TMEM132D: variants seen among roughly 807,000 people sequenced by gnomAD.
The protein encoded by TMEM132D is transmembrane protein 132D.
A neutral mutation model predicts 62.3 loss-of-function variants in TMEM132D; 21 were observed. The ratio of observed to expected loss-of-function variants is 0.34; its 90% CI spans 0.24 to 0.49. The LOEUF is 0.49. Ranked by LOEUF, TMEM132D falls within the 20% of genes least tolerant of loss-of-function variation. The pLI is 0.99. For missense variants in TMEM132D, 1,346 were observed against 1,402.8 expected (o/e 0.96, Z 0.65); for synonymous variants, 621 against 575.6 (o/e 1.08, Z -1.13).
At chr12:129,864,758 A>G (rs1407254916) in intron 1 of TMEM132D, among the ~76,000 whole-genome samples, 5 of 152,218 alleles carry the variant, frequency 3.3e-5, no homozygotes, top group Non-Finnish European at 5.9e-5. Context: ...TACCTGAAGT[A>G]AGTTTGGGTT....
intron 3 of TMEM132D, among the ~76,000 whole-genome samples, chr12:129,410,822 T>C (rs1029211771): frequency 6.6e-6 from 1 of 152,202 alleles, no homozygotes; most frequent in African/African-American, 2.4e-5. Flanking sequence ...ACTTGTCTCA[T>C]GGGGTTTGTG....
intron 3 of TMEM132D, among the ~76,000 whole-genome samples, chr12:129,410,567 C>A (rs1161712426): frequency 6.6e-6 from 1 of 151,714 alleles, no homozygotes; most frequent in African/African-American, 2.4e-5. Flanking sequence ...TCCATGTTGG[C>A]CAGGCTGCTC....
At chr12:129,589,006 G>A (rs1878117292) in intron 2 of TMEM132D, among the ~76,000 whole-genome samples, 1 of 151,988 alleles carries the variant, frequency 6.6e-6, no homozygotes, top group African/African-American at 2.4e-5. Flanking sequence ...GGTTCGAATG[G>A]CTTGGAAGCA....
intron 5 of TMEM132D, among the ~76,000 whole-genome samples, chr12:129,133,162 AT>A (rs112304417): frequency 1.3e-4 from 20 of 151,690 alleles, no homozygotes; most frequent in African/African-American, 4.6e-4. Context: ...ATCTGCATCT[AT>A]TTTTTTTCTA....
Position 129,873,096 on chromosome 12 carries a change from G to A in TMEM132D, c.79+30165C>T, listed in dbSNP as rs556513606. Among the ~76,000 whole-genome samples the A allele has an allele frequency of 4.6e-4, 70 of 152,264 alleles. No individual in the cohort carries two copies. The South Asian group carries it at 0.014, about 31-fold the overall frequency. The stretch of plus-strand genomic sequence containing the variant: ...CTGATAGACCCATTACAAAAAGAAA[G>A]GTAGGGAGACGCTATGAAATTCTTG... On this transcript the variant is annotated intron_variant, in intron 1 of 8. Coordinates refer to ENST00000422113, the MANE Select transcript of TMEM132D (RefSeq NM_133448.3).
intron 4 of TMEM132D, among the ~76,000 whole-genome samples, chr12:129,295,266 GGAACACTGCCGGCTACACACTACA>G (rs1566024551): frequency 1.3e-5 from 2 of 151,228 alleles, no homozygotes; most frequent in Non-Finnish European, 2.9e-5. Context: ...TAGACGCTAC[GGAACACTGCCGGCTACACACTACA>G]GAACACTGCC....
rs866200208 is a variant in TMEM132D at position 129,088,565 on chromosome 12, C to A, written c.1444-3863G>T. Among the ~76,000 whole-genome samples, 9 of 24,128 alleles carry A rather than the reference C, an allele frequency of 3.7e-4. 1 individual carries two copies. In the East Asian group the frequency reaches 0.015, roughly 41 times the overall value. The allele number at this position is 24,128 out of a possible 152,430, so 15.8% of individuals were successfully genotyped here. A position where few individuals can be genotyped will look rare whatever the true frequency, so the allele number is the denominator to read the frequency against. On this transcript the variant is annotated intron_variant, in intron 5 of 8. Transcript: ENST00000422113. ...TGTCCTCCCTGACCGGGTGTCCTCC[C>A]TGACCGGGTGTCCTCCATGACCGGG...
chr12:129,575,282 A>C (rs1222415533), intron 2 of TMEM132D, among the ~76,000 whole-genome samples: 1 of 151,846 alleles, frequency 6.6e-6, no homozygotes, highest in African/African-American at 2.4e-5. Context: ...GTAGGCTATT[A>C]GTAATTAAGT....
At chr12:129,267,482 G>A (rs1880728143) in intron 4 of TMEM132D, among the ~76,000 whole-genome samples, 2 of 152,302 alleles carry the variant, frequency 1.3e-5, no homozygotes, top group African/African-American at 4.8e-5. Context: ...TACAAGGGAT[G>A]TGAAGGACCT....
chr12:129,104,695 A>G (rs1875429427), intron 5 of TMEM132D, among the ~76,000 whole-genome samples: 1 of 151,668 alleles, frequency 6.6e-6, no homozygotes, highest in African/African-American at 2.4e-5. Flanking sequence ...CAAATTTACA[A>G]GAAAAAAACA....
At chr12:129,267,083 A>G (rs1880717210) in intron 4 of TMEM132D, among the ~76,000 whole-genome samples, 1 of 151,994 alleles carries the variant, frequency 6.6e-6, no homozygotes, top group Non-Finnish European at 1.5e-5. Flanking sequence ...GGCTGGTGCC[A>G]TTTCATCCCT....
At position 129,498,651 on chromosome 12, in the gene TMEM132D, A is replaced by T. The variant is rs186094879; in HGVS notation, c.1115+32408T>A. 2.0e-5 allele frequency among the ~76,000 whole-genome samples: 3 copies of T among 152,342 alleles called. No homozygotes were observed. The East Asian group carries it at 5.8e-4, about 29-fold the overall frequency. ...GGTCAGAACGCAGAGTTTTGGATAGATGCGTCAAATCCAAATACACTTTGG... is the reference window on the plus strand; with the variant it reads ...GGTCAGAACGCAGAGTTTTGGATAGTTGCGTCAAATCCAAATACACTTTGG... On this transcript the variant is annotated intron_variant, in intron 3 of 8. Transcript: ENST00000422113.
chr12:129,680,630 T>C (rs983937023), intron 2 of TMEM132D, among the ~76,000 whole-genome samples: 3 of 152,186 alleles, frequency 2.0e-5, no homozygotes, highest in African/African-American at 7.2e-5. Context: ...CAAACTGTTA[T>C]ACCCTCATAG....
intron 2 of TMEM132D, among the ~76,000 whole-genome samples, chr12:129,576,826 A>G (rs1016317399): frequency 2.0e-5 from 3 of 151,966 alleles, no homozygotes; most frequent in African/African-American, 7.3e-5. Context: ...TCTTAGAATC[A>G]AGTAGGCTAG....
intron 3 of TMEM132D, among the ~76,000 whole-genome samples, chr12:129,508,155 T>C (rs1875395538): frequency 6.6e-6 from 1 of 152,148 alleles, no homozygotes; most frequent in African/African-American, 2.4e-5. Flanking sequence ...AACAGAGTAT[T>C]AGAATCTAGA....
intron 1 of TMEM132D, among the ~76,000 whole-genome samples, chr12:129,813,078 T>C (rs1872235578): frequency 6.6e-6 from 1 of 151,864 alleles, no homozygotes; most frequent in South Asian, 2.1e-4. Flanking sequence ...AAAGCAGAAA[T>C]AGTTGAGTCA....
chr12:129,871,676 T>C (rs1442715317), intron 1 of TMEM132D, among the ~76,000 whole-genome samples: 1 of 152,158 alleles, frequency 6.6e-6, no homozygotes, highest in Non-Finnish European at 1.5e-5. Flanking sequence ...AACTGTAAAA[T>C]CTTCAAGAAT....
chr12:129,694,281 G>T (rs1336594523), intron 2 of TMEM132D, among the ~76,000 whole-genome samples: 1 of 152,132 alleles, frequency 6.6e-6, no homozygotes, highest in Non-Finnish European at 1.5e-5. Context: ...CCAAACCCAT[G>T]ATCCCAGTGC....
intron 1 of TMEM132D, among the ~76,000 whole-genome samples, chr12:129,723,834 T>C (rs957636637): frequency 7.9e-5 from 12 of 152,200 alleles, no homozygotes; most frequent in African/African-American, 2.4e-4. Flanking sequence ...ATGACAAAGG[T>C]GGACAGAGAC....
Sources: allele counts gnomAD v4.1 joint callset (sites outside exome capture counted in the v4.1 genomes callset), GRCh38; gene constraint gnomAD v4.1.1; transcripts MANE v1.5; gene names NCBI Gene and HGNC (gene_info 2026-07-23, HGNC 2026-07-21).